The following DMXL1 variants were observed in gnomAD, a reference collection of about 807,000 sequenced individuals.
The protein encoded by DMXL1 is dmX-like protein 1.
In DMXL1, 99 loss-of-function variants were observed where a neutral mutation model predicts 319.2. The observed-to-expected ratio is 0.31, with a 90% CI of 0.26 to 0.37. The LOEUF (loss-of-function observed/expected upper bound fraction) is 0.37. Ranked by LOEUF, DMXL1 falls within the 10% of genes least tolerant of loss-of-function variation. The pLI is 1.00. For synonymous variants in DMXL1, 1,385 were observed against 1,235.2 expected (o/e 1.12, Z -2.54); for missense variants, 3,745 against 3,595.6 (o/e 1.04, Z -1.06).
chr5:119,190,129 TTATTA>T (rs1490253677), intron 29 of DMXL1, among the ~76,000 whole-genome samples: 1 of 152,114 alleles, frequency 6.6e-6, no homozygotes, highest in Admixed American at 6.5e-5. Context: ...CTTTTGCATT[TTATTA>T]TATTTCTTAT....
chr5:119,234,821 T>C (rs560882537), intron 39 of DMXL1, among the ~76,000 whole-genome samples: 2 of 152,276 alleles, frequency 1.3e-5, no homozygotes, highest in African/African-American at 4.8e-5. Context: ...GATTACAATA[T>C]AGGTGAGATC....
intron 35 of DMXL1, among the ~76,000 whole-genome samples, chr5:119,218,744 C>T (rs1450890985): frequency 1.3e-5 from 2 of 152,220 alleles, no homozygotes; most frequent in African/African-American, 4.8e-5. Flanking sequence ...CAGGCGTGAG[C>T]CACTGCACCC....
chr5:119,140,636 C>T lies in DMXL1; in HGVS notation c.2377-3205C>T, dbSNP rs536407665. On this transcript the variant is annotated intron_variant, in intron 13 of 43. Coordinates refer to ENST00000539542, the MANE Select transcript of DMXL1 (RefSeq NM_001290321.3). ...AATAAATAGCCTACCAACCGAAAAA[C>T]CCAGGATCTGAGGGATTCATAGCTG... Among the ~76,000 whole-genome samples the T allele has an allele frequency of 1.6e-4, 24 of 151,908 alleles. No homozygotes were observed. In the South Asian group the frequency reaches 5.0e-3, roughly 32 times the overall value.
In DMXL1 at chr5:119,247,244, TTATTACC is replaced by T. The variant is rs773247501; in HGVS notation, c.*29_*35del. Reference sequence around the variant, plus strand: ...ACATTTTTACAATAAGATGTACAATTTATTACCTATATGGAAGTGGCCAACAGATATA... The same window carrying T: ...ACATTTTTACAATAAGATGTACAATTTATATGGAAGTGGCCAACAGATATA... On this transcript the variant is annotated 3_prime_UTR_variant, in exon 44 of 44. Coordinates refer to ENST00000539542, the MANE Select transcript of DMXL1 (RefSeq NM_001290321.3). The T allele has an allele frequency of 1.9e-6, 3 of 1,541,414 alleles. No homozygotes were observed. In the South Asian group the frequency reaches 3.4e-5, roughly 18 times the overall value.
chr5:119,127,764 AT>A, intron 9 of DMXL1: 1 of 254,800 alleles, frequency 3.9e-6, no homozygotes, highest in Non-Finnish European at 7.8e-6. Context: ...TAACAAGTTT[AT>A]TTTCTTCATC....
intron 1 of DMXL1, among the ~76,000 whole-genome samples, chr5:119,074,908 G>A (rs770744992): frequency 1.1e-4 from 17 of 152,154 alleles, no homozygotes; most frequent in Non-Finnish European, 2.4e-4. Context: ...TTATCCATTA[G>A]CAAGTTATAC....
At chr5:119,211,399 G>A (rs902347962) in intron 34 of DMXL1, among the ~76,000 whole-genome samples, 2 of 152,158 alleles carry the variant, frequency 1.3e-5, no homozygotes, top group Admixed American at 1.3e-4. Context: ...TTTAACAGAT[G>A]TAGGGCAATT....
intron 2 of DMXL1, among the ~76,000 whole-genome samples, chr5:119,099,095 C>T (rs1455182980): frequency 1.3e-5 from 2 of 151,506 alleles, no homozygotes; most frequent in African/African-American, 4.8e-5. Context: ...CAGGTGTCCT[C>T]TATCTTTTGT....
Position 119,221,042 on chromosome 5 carries a change from A to C in DMXL1, c.8238A>C (p.Pro2746=). The change falls in exon 37 of 44, where the codon CCA becomes CCC. Residue 2746 remains proline (P), a synonymous_variant. Coordinates refer to ENST00000539542, the MANE Select transcript of DMXL1 (RefSeq NM_001290321.3). ...HSNPGTPINM[P]WLGSTQTGRG... ...ATCCTGGCACTCCAATCAACATGCC[A>C]TGGCTTGGTAGTACACAGACTGGCA... The C allele has an allele frequency of 6.2e-7, 1 of 1,613,820 alleles. No individual in the cohort carries two copies.
intron 19 of DMXL1, 66 bp from the exon 20 acceptor site, chr5:119,164,441 A>G: frequency 7.2e-7 from 1 of 1,382,122 alleles, no homozygotes; most frequent in Non-Finnish European, 1.0e-6. Context: ...TATGGAACAT[A>G]CATTTCTGAT....
Position 119,149,959 on chromosome 5 carries a change from G to A in DMXL1, c.4132G>A (p.Ala1378Thr). Residue 1378 changes from alanine to threonine, a missense_variant, in exon 18 of 44, where the codon GCT (alanine) becomes ACT (threonine). Ala to Thr is a moderately conservative substitution (Grantham distance 58). Transcript: ENST00000539542. ...ERRLRSLTIS[A>T]SGSTTRDPQA... ...CCGCCTTAGGTCTCTCACAATCAGT[G>A]CTAGTGGAAGCACTACCAGAGACCC... The A allele has an allele frequency of 1.2e-6, 2 of 1,613,882 alleles. No individual in the cohort carries two copies. The highest frequency in any genetic ancestry group is 1.7e-6 in the Non-Finnish European group (2 of 1,179,900).
At position 119,149,980 on chromosome 5, in the gene DMXL1, G is replaced by A. The variant is rs752034248; in HGVS notation, c.4153G>A (p.Asp1385Asn). Residue 1385 changes from aspartate (D) to asparagine (N), a missense_variant, in exon 18 of 44, where the codon GAC (aspartate) becomes AAC (asparagine). Coordinates refer to ENST00000539542, the MANE Select transcript of DMXL1 (RefSeq NM_001290321.3). ...CAGTGCTAGTGGAAGCACTACCAGA[G>A]ACCCCCAGGCATTCAACAAGGCTGA... is the stretch of plus-strand genomic sequence containing the variant. Reference protein sequence around the residue: ...TISASGSTTRDPQAFNKAENT... With the variant: ...TISASGSTTRNPQAFNKAENT... 1 of 1,613,890 alleles carries A rather than the reference G, an allele frequency of 6.2e-7. No individual in the cohort carries two copies.
In DMXL1 at chr5:119,144,536, C is replaced by T; in HGVS notation, c.2467C>T (p.His823Tyr). The T allele has an allele frequency of 6.3e-7, 1 of 1,593,518 alleles. No homozygotes were observed. Among genetic ancestry groups the T allele is most frequent in the Non-Finnish European group, 8.5e-7 (1 of 1,170,578 alleles). ...IIALDPITKL[H>Y]GRKTQLLHVF... ...TACGTTGATATTTATTTATATTCAG[C>T]ATGGCAGAAAAACCCAACTGCTTCA... The change falls in exon 15 of 44, where the codon CAT (histidine) becomes TAT (tyrosine). Residue 823 changes from histidine (H) to tyrosine (Y), a missense_variant and splice_region_variant. By Grantham distance (83) the His-to-Tyr change is moderately conservative (BLOSUM62 2). Coordinates refer to ENST00000539542, the MANE Select transcript of DMXL1 (RefSeq NM_001290321.3).
At chr5:119,234,230 G>A (rs1400086056) in intron 39 of DMXL1, among the ~76,000 whole-genome samples, 5 of 152,072 alleles carry the variant, frequency 3.3e-5, no homozygotes, top group Admixed American at 3.3e-4. Context: ...TGCTCCTTGT[G>A]AAGCAGGGCT....
rs777554197 is a variant in DMXL1, at chr5:119,189,696, T to C, written c.7136-12T>C. The stretch of plus-strand genomic sequence containing the variant: ...ATAGTACTTCAGTAACATTTTATTT[T>C]CTTTTTGTTAGTTTCTTCACTAGTT... On this transcript the variant is annotated splice_polypyrimidine_tract_variant and intron_variant, in intron 28 of 43. Transcript: ENST00000539542. 7 of 1,612,340 alleles carry C rather than the reference T, an allele frequency of 4.3e-6. No individual in the cohort carries two copies.
intron 27 of DMXL1, 49 bp from the exon 28 acceptor site, chr5:119,177,947 A>C (rs1232644931): frequency 5.4e-6 from 8 of 1,483,432 alleles, no homozygotes; most frequent in Non-Finnish European, 6.3e-6. Flanking sequence ...AATTTTTAAA[A>C]TTTTAAAAAT....
At chr5:119,096,608 A>G (rs1391116286) in intron 1 of DMXL1, among the ~76,000 whole-genome samples, 1 of 152,352 alleles carries the variant, frequency 6.6e-6, no homozygotes, top group East Asian at 1.9e-4. Context: ...GTGCCAGTCT[A>G]TAATATGAAT....
At chr5:119,159,213 A>T (rs186043470) in intron 19 of DMXL1, among the ~76,000 whole-genome samples, 135 of 152,042 alleles carry the variant, frequency 8.9e-4, no homozygotes, top group African/African-American at 3.1e-3. Flanking sequence ...GCTCACTGCA[A>T]CTTCTGCCCC....
At chr5:119,160,770 A>G (rs934132057) in intron 19 of DMXL1, among the ~76,000 whole-genome samples, 1 of 152,078 alleles carries the variant, frequency 6.6e-6, no homozygotes, top group Non-Finnish European at 1.5e-5. Flanking sequence ...TATGTAACAT[A>G]CTTCTTTGTC....
Sources: gnomAD v4.1 joint callset for allele counts (sites outside exome capture counted in the v4.1 genomes callset) on GRCh38, gnomAD v4.1.1 for gene constraint, MANE v1.5 for transcripts, NCBI Gene and HGNC (gene_info 2026-07-23, HGNC 2026-07-21) for gene names.